Variants in SMARCAD1 observed in about 807,000 individuals in gnomAD.
SMARCAD1 encodes SWI/SNF-related matrix-associated actin-dependent regulator of chromatin subfamily A containing DEAD/H box 1.
A neutral mutation model predicts 127.1 loss-of-function variants in SMARCAD1; 25 were observed. The ratio of observed to expected loss-of-function variants is 0.20; its 90% CI spans 0.14 to 0.27. The LOEUF (loss-of-function observed/expected upper bound fraction) is 0.27, where lower values mean the gene tolerates loss of function less well. SMARCAD1 is among the 10% of genes least tolerant of loss of function. SMARCAD1 has a pLI of 1.00. For missense variants in SMARCAD1, 807 were observed against 1,206.0 expected, an observed-to-expected ratio of 0.67 and a Z score of 4.90; for synonymous variants, 400 against 396.9, an observed-to-expected ratio of 1.01 and a Z score of -0.09.
chr4:94,237,569 C>G (rs1013130364), intron 5 of SMARCAD1, among the ~76,000 whole-genome samples: 1 of 151,684 alleles, frequency 6.6e-6, no homozygotes, highest in African/African-American at 2.4e-5. Context: ...AGCAAACCCA[C>G]ACTTCATTAA....
At position 94,280,703 on chromosome 4, in the gene SMARCAD1, C is replaced by G; in HGVS notation, c.2530C>G (p.Gln844Glu). Residue 844 changes from glutamine (Q) to glutamate (E), a missense_variant, in exon 20 of 24, where the codon CAG becomes GAG. Physicochemically the swap from Gln to Glu is conservative, Grantham distance 29. This residue lies in a region of SMARCAD1 where 99 missense variants were observed against 126.0 expected (regional missense o/e 0.79). Coordinates refer to ENST00000354268, the MANE Select transcript of SMARCAD1 (RefSeq NM_020159.5). ...ACAGTACCGACACATTAATAACTTT[C>G]AGTTAGACATGGACTTGATTTTAGA... ...CKQYRHINNF[Q>E]LDMDLILDSG... is the part of the protein sequence containing the mutation. The G allele has an allele frequency of 6.2e-7, 1 of 1,613,698 alleles. No homozygotes were observed. Among genetic ancestry groups the G allele is most frequent in the African/African-American group, 1.3e-5 (1 of 75,006 alleles).
At chr4:94,231,858 C>CT (rs1745896881) in intron 3 of SMARCAD1, among the ~76,000 whole-genome samples, 1 of 151,896 alleles carries the variant, frequency 6.6e-6, no homozygotes, top group Non-Finnish European at 1.5e-5. Context: ...ACAGATTTTT[C>CT]TTTTTCTTTC....
At chr4:94,229,213 G>C (rs1044968312) in intron 3 of SMARCAD1, among the ~76,000 whole-genome samples, 4 of 152,122 alleles carry the variant, frequency 2.6e-5, no homozygotes, top group African/African-American at 7.2e-5. Flanking sequence ...TCGCTAGCCA[G>C]CTTTCACTCA....
Position 94,281,600 on chromosome 4 carries a change from A to AT in SMARCAD1, c.2726+12dup, listed in dbSNP as rs1754028687. 1 of 1,505,646 alleles carries AT rather than the reference A, an allele frequency of 6.6e-7. No homozygotes were observed. The highest frequency in any genetic ancestry group is 2.3e-5 in the East Asian group (1 of 44,228). The allele number at this position is 1,505,646 out of a possible 1,614,324, so 93.3% of individuals were successfully genotyped here. A position where few individuals can be genotyped will look rare whatever the true frequency, so the allele number is the denominator to read the frequency against. ...CTCAGATTTCTGAAAGGTTGGTATAATTCATGTTAGTTACAAAAAAATAAC... is the reference window on the plus strand; with the variant it reads ...CTCAGATTTCTGAAAGGTTGGTATAATTTCATGTTAGTTACAAAAAAATAAC... On this transcript the variant is annotated intron_variant, in intron 21 of 23. Transcript: ENST00000354268.
chr4:94,253,274 C>T lies in SMARCAD1; in HGVS notation c.1281+267C>T, dbSNP rs77278686. ...CACTCATTCCTTTGCATAGAAACTT[C>T]GTTCATTTCACTGCAGAAGAAGAAA... is the stretch of plus-strand genomic sequence containing the variant. On this transcript the variant is annotated intron_variant, in intron 9 of 23. Coordinates refer to ENST00000354268, the MANE Select transcript of SMARCAD1 (RefSeq NM_020159.5). 2,725 of 1,440,838 alleles carry T rather than the reference C, an allele frequency of 1.9e-3. 43 individuals carry two copies. The African/African-American group carries it at 0.032, about 17-fold the overall frequency. 89.3% of individuals were successfully genotyped at this position (1,440,838 alleles called of 1,614,324 possible).
At chr4:94,278,541 T>C (rs1452354815) in intron 17 of SMARCAD1, 24 bp downstream of exon 17, 1 of 1,609,244 alleles carries the variant, frequency 6.2e-7, no homozygotes, top group Non-Finnish European at 8.5e-7. Context: ...ACATGTTTTT[T>C]ATTTTTATTG....
chr4:94,280,839 C>T (rs1753907375), intron 20 of SMARCAD1, 59 bp downstream of exon 20: 4 of 1,480,718 alleles, frequency 2.7e-6, no homozygotes, highest in East Asian at 2.3e-5. Context: ...CTTCTTAAAG[C>T]AATTCTGGCA....
intron 2 of SMARCAD1, among the ~76,000 whole-genome samples, chr4:94,211,013 C>T (rs1742158008): frequency 6.6e-6 from 1 of 151,788 alleles, no homozygotes; most frequent in Non-Finnish European, 1.5e-5. Context: ...TGGATCACCC[C>T]TGTAATCCCA....
rs377086179 is a variant in SMARCAD1, at chr4:94,212,962, G to A, written c.190+4378G>A. 6.9e-5 allele frequency: 50 copies of A among 721,832 alleles called. No homozygotes were observed. In the East Asian group the frequency reaches 7.7e-4, roughly 11 times the overall value. 44.7% of individuals were successfully genotyped at this position (721,832 alleles called of 1,614,324 possible). A position where few individuals can be genotyped will look rare whatever the true frequency, so the allele number is the denominator to read the frequency against. Reference sequence around the variant, plus strand: ...CCCCCTGATTTATTTTACTCTTCTCGGTGCCCAAAGTTGTCAATGATTGTT... The same window carrying A: ...CCCCCTGATTTATTTTACTCTTCTCAGTGCCCAAAGTTGTCAATGATTGTT... On this transcript the variant is annotated intron_variant, in intron 2 of 23. Coordinates refer to ENST00000354268, the MANE Select transcript of SMARCAD1 (RefSeq NM_020159.5).
At chr4:94,231,609 C>T (rs773886250) in intron 3 of SMARCAD1, among the ~76,000 whole-genome samples, 13 of 152,052 alleles carry the variant, frequency 8.5e-5, no homozygotes, top group Non-Finnish European at 1.8e-4. Context: ...TTTTAAATTA[C>T]GGACATCCCA....
chr4:94,254,278 G>T (rs1749724083), intron 9 of SMARCAD1, among the ~76,000 whole-genome samples: 1 of 152,008 alleles, frequency 6.6e-6, no homozygotes, highest in African/African-American at 2.4e-5. Context: ...TTGCTGAAGG[G>T]CTTTCTTGTT....
In SMARCAD1 at chr4:94,264,886, A is replaced by G. The variant is rs372120816; in HGVS notation, c.1461A>G (p.Gln487=). Residue 487 remains glutamine, a synonymous_variant, in exon 10 of 24, where the codon CAA becomes CAG. Coordinates refer to ENST00000354268, the MANE Select transcript of SMARCAD1 (RefSeq NM_020159.5). ...ATGGAGGTGGATGGAACATAGAACA[A>G]CCTTCCATTCTAAACCAAAGGTAAT... is the stretch of plus-strand genomic sequence containing the variant. ...TGNGGGWNIE[Q]PSILNQSLSL... 4.3e-6 allele frequency: 7 copies of G among 1,612,516 alleles called. No individual in the cohort carries two copies. Among genetic ancestry groups the G allele is most frequent in the African/African-American group, 4.0e-5 (3 of 74,898 alleles).
At chr4:94,264,541 G>A (rs974809473) in intron 9 of SMARCAD1, 166 bp from the exon 10 acceptor site, 2 of 569,240 alleles carry the variant, frequency 3.5e-6, no homozygotes, top group African/African-American at 1.9e-5. Context: ...GAAACATGTA[G>A]CAACTCAAAT....
chr4:94,234,565 G>T (rs1026381522), intron 4 of SMARCAD1, among the ~76,000 whole-genome samples: 20 of 152,122 alleles, frequency 1.3e-4, no homozygotes, highest in Admixed American at 6.6e-4. Flanking sequence ...TAGCACTCTT[G>T]CTGAGAAATA....
intron 9 of SMARCAD1, 149 bp from the exon 10 acceptor site, chr4:94,264,558 A>G: frequency 6.6e-6 from 4 of 606,930 alleles, no homozygotes; most frequent in Non-Finnish European, 1.1e-5. Context: ...AAATATAAAC[A>G]TGAAGAATCA....
intron 10 of SMARCAD1, among the ~76,000 whole-genome samples, chr4:94,265,490 T>C (rs529576757): frequency 6.6e-6 from 1 of 151,708 alleles, no homozygotes; most frequent in African/African-American, 2.4e-5. Flanking sequence ...TTCAATAAAA[T>C]ACTTGTCAGA....
intron 14 of SMARCAD1, among the ~76,000 whole-genome samples, chr4:94,275,796 CTTTTTTTTTT>C (rs535710589): frequency 1.2e-5 from 1 of 85,412 alleles, no homozygotes; most frequent in Non-Finnish European, 2.6e-5. Flanking sequence ...TTAACATTTT[CTTTTTTTTTT>C]TTTTTTTTGA....
chr4:94,245,615 C>G (rs1748290430), intron 6 of SMARCAD1, among the ~76,000 whole-genome samples: 1 of 152,198 alleles, frequency 6.6e-6, no homozygotes, highest in Non-Finnish European at 1.5e-5. Flanking sequence ...TTTCAGATAA[C>G]CTGTTTTTTG....
At chr4:94,269,517 A>C (rs1243299015) in intron 10 of SMARCAD1, among the ~76,000 whole-genome samples, 4 of 149,470 alleles carry the variant, frequency 2.7e-5, no homozygotes, top group Non-Finnish European at 3.0e-5. Context: ...TTTATCTGTT[A>C]AAGTGATGAT....
Sources: gnomAD v4.1 joint callset for allele counts (sites outside exome capture counted in the v4.1 genomes callset) on GRCh38, gnomAD v4.1.1 for gene constraint, gnomAD v4.1.1 regional missense constraint, MANE v1.5 for transcripts, NCBI Gene and HGNC (gene_info 2026-07-23, HGNC 2026-07-21) for gene names.